The following KLHL1 variants were observed in gnomAD, a reference collection of about 807,000 sequenced individuals.
KLHL1 encodes the protein kelch-like protein 1.
A neutral mutation model predicts 77.7 loss-of-function variants in KLHL1; 47 were observed. The observed-to-expected ratio is 0.60, with a 90% CI of 0.48 to 0.77. The LOEUF (loss-of-function observed/expected upper bound fraction) is 0.77. Among genes scored for constraint, KLHL1 ranks in the 30% least tolerant of loss-of-function variants. The pLI is 0.00. For synonymous variants in KLHL1, 360 were observed against 325.2 expected (o/e 1.11, Z -1.15); for missense variants, 925 against 910.8 (o/e 1.02, Z -0.20).
At chr13:69,978,723 G>T (rs1356925828) in intron 1 of KLHL1, among the ~76,000 whole-genome samples, 1 of 152,100 alleles carries the variant, frequency 6.6e-6, no homozygotes, top group Non-Finnish European at 1.5e-5. Flanking sequence ...CCGAACTCAG[G>T]TGATCTGCCC....
intron 1 of KLHL1, among the ~76,000 whole-genome samples, chr13:70,087,372 C>A (rs1038454849): frequency 1.3e-5 from 2 of 152,066 alleles, no homozygotes; most frequent in African/African-American, 4.8e-5. Flanking sequence ...CTGGGGCAGG[C>A]TGAGGCATGC....
chr13:70,028,284 A>G (rs1886007039), intron 1 of KLHL1, among the ~76,000 whole-genome samples: 1 of 152,196 alleles, frequency 6.6e-6, no homozygotes, highest in African/African-American at 2.4e-5. Flanking sequence ...AAATCACTCA[A>G]TAAAGGGAGA....
intron 1 of KLHL1, among the ~76,000 whole-genome samples, chr13:70,103,783 G>A (rs1303731504): frequency 6.6e-6 from 1 of 152,114 alleles, no homozygotes; most frequent in Non-Finnish European, 1.5e-5. Flanking sequence ...AGGAAATTGA[G>A]CAAGACAGAA....
intron 10 of KLHL1, among the ~76,000 whole-genome samples, chr13:69,703,857 C>G (rs1449676607): frequency 6.6e-6 from 1 of 151,596 alleles, no homozygotes; most frequent in Non-Finnish European, 1.5e-5. Context: ...GTAGGCCATA[C>G]CATCTGGGTT....
intron 4 of KLHL1, among the ~76,000 whole-genome samples, chr13:69,911,235 A>T (rs1882228287): frequency 6.6e-6 from 1 of 152,116 alleles, no homozygotes; most frequent in Non-Finnish European, 1.5e-5. Context: ...TTTTTCTTTT[A>T]AACTGTACTA....
chr13:70,018,664 CATGTGAATAATCCAAAGAGAT>C (rs1163788575), intron 1 of KLHL1, among the ~76,000 whole-genome samples: 1 of 150,836 alleles, frequency 6.6e-6, no homozygotes, highest in East Asian at 1.9e-4. Flanking sequence ...GTTAAAGGCA[CATGTGAATAATCCAAAGAGAT>C]GTTTCCAAAA....
chr13:69,982,691 G>C (rs2137301310), intron 1 of KLHL1, among the ~76,000 whole-genome samples: 1 of 151,616 alleles, frequency 6.6e-6, no homozygotes, highest in African/African-American at 2.4e-5. Context: ...TAGCTGAATG[G>C]ATACACTTAT....
chr13:69,786,236 A>C (rs947359398), intron 7 of KLHL1, among the ~76,000 whole-genome samples: 2 of 152,218 alleles, frequency 1.3e-5, no homozygotes, highest in African/African-American at 4.8e-5. Context: ...ATCCTTGATG[A>C]ACATTGATGC....
chr13:69,863,630 G>A (rs1880258281), intron 5 of KLHL1, among the ~76,000 whole-genome samples: 1 of 151,856 alleles, frequency 6.6e-6, no homozygotes, highest in Non-Finnish European at 1.5e-5. Flanking sequence ...TAATACTGTG[G>A]AAGCACTGAA....
At chr13:69,785,217 A>G (rs906109935) in intron 7 of KLHL1, among the ~76,000 whole-genome samples, 6 of 152,004 alleles carry the variant, frequency 3.9e-5, no homozygotes, top group Middle Eastern at 3.2e-3. Context: ...TTTCAGCACC[A>G]CACCACACCT....
At chr13:69,907,816 TAGC>T (rs1043291292) in intron 4 of KLHL1, among the ~76,000 whole-genome samples, 1 of 152,050 alleles carries the variant, frequency 6.6e-6, no homozygotes, top group African/African-American at 2.4e-5. Flanking sequence ...AAAAGACTAT[TAGC>T]AGGATGCAGG....
rs560313448 is a variant in KLHL1 at position 70,013,731 on chromosome 13, T to C, written c.498-37929A>G. 2.6e-5 allele frequency among the ~76,000 whole-genome samples: 4 copies of C among 152,312 alleles called. No homozygotes were observed. In the East Asian group the frequency reaches 7.7e-4, roughly 29 times the overall value. On this transcript the variant is annotated intron_variant, in intron 1 of 10. Coordinates refer to ENST00000377844, the MANE Select transcript of KLHL1 (RefSeq NM_020866.3). ...TTCAAAAACAAATTTCTAGGATGTA[T>C]TATTTTAGCTCTAGTGGAGTAGAAG...
At chr13:70,055,502 TAC>T (rs1483344693) in intron 1 of KLHL1, among the ~76,000 whole-genome samples, 2 of 151,988 alleles carry the variant, frequency 1.3e-5, no homozygotes, top group African/African-American at 4.8e-5. Context: ...TAACAGTAAA[TAC>T]ACAGACAAAT....
chr13:69,802,830 C>T (rs952652184), intron 6 of KLHL1: 5 of 152,052 alleles, frequency 3.3e-5, no homozygotes, highest in East Asian at 1.9e-4. Context: ...CTGAATAAAC[C>T]GCTTCCTTCT....
intron 3 of KLHL1, among the ~76,000 whole-genome samples, chr13:69,949,679 G>T (rs1254535958): frequency 1.3e-5 from 2 of 151,682 alleles, no homozygotes; most frequent in African/African-American, 4.8e-5. Flanking sequence ...ATTCTTCTAT[G>T]TGGGAAATTT....
At chr13:69,915,232 G>GA (rs1260404695) in intron 4 of KLHL1, among the ~76,000 whole-genome samples, 2 of 152,160 alleles carry the variant, frequency 1.3e-5, no homozygotes, top group African/African-American at 4.8e-5. Flanking sequence ...CACAGAATTG[G>GA]AAAAAACTAC....
In KLHL1 at chr13:69,740,272, A is replaced by G. The variant is rs371369965; in HGVS notation, c.1802+122T>C. ...CCAGTCTTTATTTGTCAATTTAAAA[A>G]TATCAACAGCTTAAAATGTTTTAAA... On this transcript the variant is annotated intron_variant, in intron 8 of 10. Coordinates refer to ENST00000377844, the MANE Select transcript of KLHL1 (RefSeq NM_020866.3). 1.7e-5 allele frequency: 12 copies of G among 711,078 alleles called. No individual in the cohort carries two copies. The African/African-American group carries it at 1.9e-4, about 11-fold the overall frequency. 44.0% of individuals were successfully genotyped at this position (711,078 alleles called of 1,614,324 possible).
At chr13:70,068,351 ACAAAAAC>A (rs1227849509) in intron 1 of KLHL1, among the ~76,000 whole-genome samples, 4 of 137,020 alleles carry the variant, frequency 2.9e-5, no homozygotes, top group East Asian at 3.9e-4. Context: ...AAAAACAAAA[ACAAAAAC>A]AAAAACAAAA....
intron 1 of KLHL1, among the ~76,000 whole-genome samples, chr13:69,992,019 C>A (rs140800225): frequency 6.6e-6 from 1 of 151,952 alleles, no homozygotes. Flanking sequence ...AAGTACTAGG[C>A]ACCACCTCAG....
Sources: allele counts gnomAD v4.1 joint callset (sites outside exome capture counted in the v4.1 genomes callset), GRCh38; gene constraint gnomAD v4.1.1; transcripts MANE v1.5; gene names NCBI Gene and HGNC (gene_info 2026-07-23, HGNC 2026-07-21).